The following SLC9A8 variants were observed in gnomAD, a reference collection of about 807,000 sequenced individuals.
SLC9A8 encodes the protein sodium/hydrogen exchanger 8.
A neutral mutation model predicts 66.6 loss-of-function variants in SLC9A8; 48 were observed. The ratio of observed to expected loss-of-function variants is 0.72; its 90% confidence interval spans 0.57 to 0.92. SLC9A8 has a LOEUF of 0.92. SLC9A8 is among the 40% of genes least tolerant of loss of function. SLC9A8 has a pLI of 0.00. For missense variants in SLC9A8, 599 were observed against 747.3 expected (o/e 0.80, Z 2.31); for synonymous variants, 274 against 282.6 (o/e 0.97, Z 0.31).
chr20:49,885,721 T>C (rs990425069), intron 14 of SLC9A8, among the ~76,000 whole-genome samples: 1 of 152,242 alleles, frequency 6.6e-6, no homozygotes, highest in Non-Finnish European at 1.5e-5. Flanking sequence ...TGATCTCAGA[T>C]TGTCCCCATA....
intron 12 of SLC9A8, 95 bp downstream of exon 12, chr20:49,878,158 A>C (rs1362804716): frequency 1.4e-6 from 1 of 696,140 alleles, no homozygotes; most frequent in African/African-American, 1.8e-5. Flanking sequence ...TTAACTGTTC[A>C]AAGTCAACAG....
At chr20:49,828,073 AT>A (rs58366162) in intron 3 of SLC9A8, among the ~76,000 whole-genome samples, 13,555 of 81,676 alleles carry the variant, frequency 0.17, 921 homozygotes, top group African/African-American at 0.35. Context: ...CCAAAAAAAA[AT>A]TTTTTTTTTT....
intron 3 of SLC9A8, among the ~76,000 whole-genome samples, chr20:49,827,208 C>T (rs1466051363): frequency 6.6e-6 from 1 of 151,518 alleles, no homozygotes; most frequent in East Asian, 2.0e-4. Flanking sequence ...TCCCAAAGTG[C>T]TGGGATTACA....
chr20:49,813,335 C>G (rs902035316), intron 1 of SLC9A8, among the ~76,000 whole-genome samples: 2 of 152,222 alleles, frequency 1.3e-5, no homozygotes, highest in African/African-American at 4.8e-5. Context: ...TCCTGTATAA[C>G]GATCAGTTTT....
intron 10 of SLC9A8, among the ~76,000 whole-genome samples, chr20:49,874,451 C>CTG (rs1568867794): frequency 6.6e-6 from 1 of 152,154 alleles, no homozygotes; most frequent in Non-Finnish European, 1.5e-5. Context: ...ATTAGTCCCA[C>CTG]TGTACAGAAG....
chr20:49,864,704 C>T lies in SLC9A8; in HGVS notation c.853-35C>T, dbSNP rs775399242. ...CTTCTCCACATCTCCCATCAACTCT[C>T]CCTCGATTCTCCTTCCTTGACAGTT... On this transcript the variant is annotated intron_variant, in intron 9 of 15. Coordinates refer to ENST00000361573, the MANE Select transcript of SLC9A8 (RefSeq NM_015266.3). 1.4e-5 allele frequency: 20 copies of T among 1,476,864 alleles called. No individual in the cohort carries two copies. In the East Asian group the frequency reaches 2.3e-4, roughly 17 times the overall value. The allele number at this position is 1,476,864 out of a possible 1,614,324, so 91.5% of individuals were successfully genotyped here. A position where few individuals can be genotyped will look rare whatever the true frequency, so the allele number is the denominator to read the frequency against.
At chr20:49,854,105 C>T (rs934715208) in intron 7 of SLC9A8, among the ~76,000 whole-genome samples, 1 of 152,180 alleles carries the variant, frequency 6.6e-6, no homozygotes, top group African/African-American at 2.4e-5. Flanking sequence ...ATTGGGTCTC[C>T]ATGTTTTGGC....
At chr20:49,837,866 G>A (rs1416978336) in intron 3 of SLC9A8, among the ~76,000 whole-genome samples, 1 of 152,130 alleles carries the variant, frequency 6.6e-6, no homozygotes, top group Non-Finnish European at 1.5e-5. Flanking sequence ...ACCACGCCTG[G>A]TCGGTTCTGT....
At chr20:49,882,627 C>T (rs2089672535) in intron 13 of SLC9A8, among the ~76,000 whole-genome samples, 1 of 152,206 alleles carries the variant, frequency 6.6e-6, no homozygotes, top group African/African-American at 2.4e-5. Flanking sequence ...GATCCGTACT[C>T]CTGTTTCCAG....
rs55974217 is a variant in SLC9A8 at position 49,889,379 on chromosome 20, A to G, written c.*1443A>G. The G allele has an allele frequency of 9.0e-3, 1,369 of 152,378 alleles. 13 individuals are homozygous for G. The highest frequency in any genetic ancestry group is 0.014 in the Non-Finnish European group (970 of 68,114). 9.4% of individuals were successfully genotyped at this position (152,378 alleles called of 1,614,324 possible). A position where few individuals can be genotyped will look rare whatever the true frequency, so the allele number is the denominator to read the frequency against. On this transcript the variant is annotated 3_prime_UTR_variant, in exon 16 of 16. Transcript: ENST00000361573. ...TGCATTCCTGCTTCTCTGGGGACACAGTGGGCCCACATGGGCCAGCATGGA... is the reference window on the plus strand; with the variant it reads ...TGCATTCCTGCTTCTCTGGGGACACGGTGGGCCCACATGGGCCAGCATGGA...
chr20:49,855,293 G>GGGAAAAA, intron 7 of SLC9A8, 145 bp from the exon 8 acceptor site: 1 of 850,832 alleles, frequency 1.2e-6, no homozygotes, highest in East Asian at 2.5e-5. Context: ...GATAAGTGGG[G>GGGAAAAA]AAAAAATACG....
In SLC9A8 at chr20:49,891,061, G is replaced by A. The variant is rs1291228995; in HGVS notation, c.*3125G>A. On this transcript the variant is annotated 3_prime_UTR_variant, in exon 16 of 16. Transcript: ENST00000361573. ...GGAGAGTCCTCAGCAGGGTAGCCGA[G>A]GCCAGGCCACTTCTGCTGAGGATGG... is the stretch of plus-strand genomic sequence containing the variant. 1 of 152,344 alleles carries A rather than the reference G, an allele frequency of 6.6e-6. No individual in the cohort carries two copies. The highest frequency in any genetic ancestry group is 1.9e-4 in the East Asian group (1 of 5,202). The allele number at this position is 152,344 out of a possible 1,614,324, so 9.4% of individuals were successfully genotyped here. A position where few individuals can be genotyped will look rare whatever the true frequency, so the allele number is the denominator to read the frequency against.
At chr20:49,845,455 A>T (rs6125794) in intron 5 of SLC9A8, among the ~76,000 whole-genome samples, 5,616 of 152,340 alleles carry the variant, frequency 0.037, 154 homozygotes, top group East Asian at 0.095. Context: ...ATAGATGTAA[A>T]GAGGATAGAC....
chr20:49,857,029 A>G (rs965515078), intron 8 of SLC9A8, among the ~76,000 whole-genome samples: 6 of 152,180 alleles, frequency 3.9e-5, no homozygotes, highest in Non-Finnish European at 8.8e-5. Flanking sequence ...ATGCAGGGAT[A>G]TTTCCTTGAA....
chr20:49,852,760 CTG>C (rs1161335046), intron 7 of SLC9A8, among the ~76,000 whole-genome samples: 1 of 151,504 alleles, frequency 6.6e-6, no homozygotes, highest in Middle Eastern at 3.4e-3. Context: ...CTCATCTTCA[CTG>C]TCAGAAATAC....
chr20:49,887,963 C>T lies in SLC9A8; in HGVS notation c.*27C>T, dbSNP rs372030066. The T allele has an allele frequency of 6.3e-7, 1 of 1,580,876 alleles. No homozygotes were observed. The highest frequency in any genetic ancestry group is 8.7e-7 in the Non-Finnish European group (1 of 1,150,588). ...GCCAGGTGCCAAGGCTTCAGGCAGGCAGGCCCAGGATGGGCGTTTGCTGCG... is the reference window on the plus strand; with the variant it reads ...GCCAGGTGCCAAGGCTTCAGGCAGGTAGGCCCAGGATGGGCGTTTGCTGCG... On this transcript the variant is annotated 3_prime_UTR_variant, in exon 16 of 16. Transcript: ENST00000361573.
intron 4 of SLC9A8, among the ~76,000 whole-genome samples, chr20:49,841,150 C>T (rs1327925827): frequency 2.6e-5 from 4 of 151,828 alleles, no homozygotes; most frequent in East Asian, 1.9e-4. Flanking sequence ...TCTAAAAATA[C>T]GAAAAAGTAG....
At position 49,881,063 on chromosome 20, in the gene SLC9A8, G is replaced by A. The variant is rs528052423; in HGVS notation, c.1270+28G>A. The A allele has an allele frequency of 1.2e-5, 18 of 1,520,828 alleles. 1 individual carries two copies. In the South Asian group the frequency reaches 1.6e-4, roughly 13 times the overall value. 94.2% of individuals were successfully genotyped at this position (1,520,828 alleles called of 1,614,324 possible). A position where few individuals can be genotyped will look rare whatever the true frequency, so the allele number is the denominator to read the frequency against. On this transcript the variant is annotated intron_variant, in intron 13 of 15. Coordinates refer to ENST00000361573, the MANE Select transcript of SLC9A8 (RefSeq NM_015266.3). ...AAGTCAAATCTTGGATAAATGGGGT[G>A]GGGAAGTACCTGTTAAAAGCACGCC...
chr20:49,853,293 G>A lies in SLC9A8; in HGVS notation c.570-2145G>A, dbSNP rs6067249. Reference sequence around the variant, plus strand: ...TGAGTAGCTCGGACTACAGGTATGCGGCACCACTTCCGGCTAATTTTTGTG... The same window carrying A: ...TGAGTAGCTCGGACTACAGGTATGCAGCACCACTTCCGGCTAATTTTTGTG... On this transcript the variant is annotated intron_variant, in intron 7 of 15. Coordinates refer to ENST00000361573, the MANE Select transcript of SLC9A8 (RefSeq NM_015266.3). 3.7e-3 allele frequency among the ~76,000 whole-genome samples: 562 copies of A among 152,152 alleles called. 3 individuals are homozygous for A. Among genetic ancestry groups the A allele is most frequent in the Middle Eastern group, 6.8e-3 (2 of 294 alleles).
Sources: allele counts gnomAD v4.1 joint callset (sites outside exome capture counted in the v4.1 genomes callset), GRCh38; gene constraint gnomAD v4.1.1; transcripts MANE v1.5; gene names NCBI Gene and HGNC (gene_info 2026-07-23, HGNC 2026-07-21).